AP4E1: variants seen among roughly 807,000 people sequenced by gnomAD.
The protein encoded by AP4E1 is adaptor related protein complex 4 subunit epsilon 1.
A neutral mutation model predicts 128.2 loss-of-function variants in AP4E1; 56 were observed. That is an observed-to-expected ratio of 0.44 (90% CI 0.35 to 0.55). The LOEUF (loss-of-function observed/expected upper bound fraction) is 0.55, where lower values mean the gene tolerates loss of function less well. Among genes scored for constraint, AP4E1 ranks in the 20% least tolerant of loss-of-function variants. AP4E1 has a pLI of 0.00. For synonymous variants in AP4E1, 484 were observed against 473.1 expected, an observed-to-expected ratio of 1.02 and a Z score of -0.30; for missense variants, 1,324 against 1,307.7, an observed-to-expected ratio of 1.01 and a Z score of -0.19.
At chr15:50,996,467 AATC>A (rs2064876468) in intron 17 of AP4E1, among the ~76,000 whole-genome samples, 1 of 152,130 alleles carries the variant, frequency 6.6e-6, no homozygotes, top group Non-Finnish European at 1.5e-5. Flanking sequence ...AAGAGACAAA[AATC>A]ATCTGTTCAG....
At chr15:50,993,682 A>AT (rs2064833345) in intron 17 of AP4E1, 57 bp downstream of exon 17, 4 of 1,608,364 alleles carry the variant, frequency 2.5e-6, no homozygotes, top group Admixed American at 3.3e-5. Flanking sequence ...TACAAAAAAA[A>AT]CTGGCTCTAT....
chr15:50,972,698 G>T (rs978512751), intron 15 of AP4E1, among the ~76,000 whole-genome samples: 1 of 152,190 alleles, frequency 6.6e-6, no homozygotes, highest in Non-Finnish European at 1.5e-5. Context: ...TGAGGTTGGG[G>T]CCATGGAGCT....
rs1470155355 is a variant in AP4E1, at chr15:51,002,832, A to G, written c.*170A>G. On this transcript the variant is annotated 3_prime_UTR_variant, in exon 21 of 21. Coordinates refer to ENST00000261842, the MANE Select transcript of AP4E1 (RefSeq NM_007347.5). ...GGTCAAGAAAGATCCCCAAAACTGT[A>G]TCCCTAACCTTTAACTCAGGATTGT... is the stretch of plus-strand genomic sequence containing the variant. The G allele has an allele frequency of 8.5e-6, 7 of 822,914 alleles. No individual in the cohort carries two copies. The highest frequency in any genetic ancestry group is 2.3e-5 in the Admixed American group (1 of 44,394). 51.0% of individuals were successfully genotyped at this position (822,914 alleles called of 1,614,324 possible).
chr15:50,908,473 G>T (rs1230313247), upstream of AP4E1: 3 of 294,696 alleles, frequency 1.0e-5, no homozygotes, highest in South Asian at 2.9e-4. Context: ...CCAGGCCCCC[G>T]ACGGCTTCCT....
intron 7 of AP4E1, among the ~76,000 whole-genome samples, chr15:50,932,825 C>T (rs1218907945): frequency 2.6e-5 from 4 of 152,130 alleles, no homozygotes; most frequent in African/African-American, 4.8e-5. Flanking sequence ...GCAGTGAAAA[C>T]GTAAGGTGAT....
chr15:50,922,968 G>A (rs967981415), intron 3 of AP4E1, among the ~76,000 whole-genome samples: 10 of 152,030 alleles, frequency 6.6e-5, no homozygotes, highest in African/African-American at 1.7e-4. Flanking sequence ...TAGTAGAGAC[G>A]GGGTTTCACC....
At chr15:50,941,335 C>T in intron 8 of AP4E1, 107 bp from the exon 9 acceptor site, 1 of 1,276,230 alleles carries the variant, frequency 7.8e-7, no homozygotes, top group South Asian at 1.3e-5. Flanking sequence ...AATAAGATTT[C>T]TGACTAAAAT....
intron 10 of AP4E1, chr15:50,945,767 C>T (rs2064053116): frequency 1.3e-6 from 1 of 763,302 alleles, no homozygotes; most frequent in African/African-American, 1.7e-5. Context: ...TGAGAAAAAG[C>T]AGCTAAGGAT....
At chr15:50,956,779 C>A (rs902824543) in intron 13 of AP4E1, among the ~76,000 whole-genome samples, 9 of 152,208 alleles carry the variant, frequency 5.9e-5, no homozygotes, top group Admixed American at 4.6e-4. Context: ...GAGCACAGAG[C>A]CAACCATATC....
In AP4E1 at chr15:50,941,426, A is replaced by C. The variant is rs1428290677; in HGVS notation, c.944-16A>C. 6.2e-7 allele frequency: 1 copy of C among 1,610,386 alleles called. No individual in the cohort carries two copies. The highest frequency in any genetic ancestry group is 8.5e-7 in the Non-Finnish European group (1 of 1,178,014). Reference sequence around the variant, plus strand: ...CCTTACCATGATACCTGCCATTTTTATGTTTCTTTTTCTAGCTATTTTGTT... The same window carrying C: ...CCTTACCATGATACCTGCCATTTTTCTGTTTCTTTTTCTAGCTATTTTGTT... On this transcript the variant is annotated splice_polypyrimidine_tract_variant and intron_variant, in intron 8 of 20. Coordinates refer to ENST00000261842, the MANE Select transcript of AP4E1 (RefSeq NM_007347.5).
chr15:50,997,609 T>G lies in AP4E1; in HGVS notation c.2630T>G (p.Leu877Trp), dbSNP rs1359725947. Residue 877 changes from leucine to tryptophan, a missense_variant, in exon 18 of 21, where the codon TTG (leucine) becomes TGG (tryptophan). Physicochemically the swap from Leu to Trp is moderately conservative, Grantham distance 61 (BLOSUM62 -2). Coordinates refer to ENST00000261842, the MANE Select transcript of AP4E1 (RefSeq NM_007347.5). ...FSYCSLSTPS[L>W]FANNNMEIFH... ...TATTGTAGTCTGTCTACACCTTCAT[T>G]GTTTGCTAATAACAACATGGAAATT... is the stretch of plus-strand genomic sequence containing the variant. 6.2e-7 allele frequency: 1 copy of G among 1,614,112 alleles called. No individual in the cohort carries two copies. Among genetic ancestry groups the G allele is most frequent in the Admixed American group, 1.7e-5 (1 of 60,024 alleles).
chr15:50,994,692 T>G (rs528755575), intron 17 of AP4E1, among the ~76,000 whole-genome samples: 1 of 152,322 alleles, frequency 6.6e-6, no homozygotes, highest in East Asian at 1.9e-4. Context: ...ACCAGTGGAA[T>G]GCTTGGTAAG....
intron 6 of AP4E1, among the ~76,000 whole-genome samples, chr15:50,930,170 C>T (rs895802383): frequency 1.2e-4 from 18 of 145,708 alleles, no homozygotes; most frequent in African/African-American, 4.6e-4. Context: ...CAGGTTCAAG[C>T]GATTCTCCTG....
intron 15 of AP4E1, among the ~76,000 whole-genome samples, chr15:50,971,667 G>T (rs1028826061): frequency 6.6e-6 from 1 of 150,800 alleles, no homozygotes; most frequent in African/African-American, 2.4e-5. Flanking sequence ...TTGTCTTCCT[G>T]TGTTATTTCA....
At chr15:50,975,700 A>G (rs753162985) in intron 15 of AP4E1, among the ~76,000 whole-genome samples, 7 of 152,146 alleles carry the variant, frequency 4.6e-5, no homozygotes, top group African/African-American at 1.7e-4. Context: ...GATTTGTAAT[A>G]TATTTTGAAA....
chr15:50,935,256 A>G (rs140473130), intron 8 of AP4E1, among the ~76,000 whole-genome samples: 4 of 152,244 alleles, frequency 2.6e-5, no homozygotes, highest in Admixed American at 2.6e-4. Flanking sequence ...GAGGGGAAGA[A>G]TAAAGAAGGT....
At chr15:50,993,684 T>C in intron 17 of AP4E1, 59 bp downstream of exon 17, 1 of 1,605,868 alleles carries the variant, frequency 6.2e-7, no homozygotes, top group Middle Eastern at 1.8e-4. Flanking sequence ...CAAAAAAAAC[T>C]GGCTCTATAA....
In AP4E1 at chr15:50,913,095, T is replaced by G. The variant is rs558092983; in HGVS notation, c.222+946T>G. Among the ~76,000 whole-genome samples the G allele has an allele frequency of 6.6e-5, 10 of 152,340 alleles. No homozygotes were observed. The South Asian group carries it at 2.1e-3, about 32-fold the overall frequency. On this transcript the variant is annotated intron_variant, in intron 2 of 20. Coordinates refer to ENST00000261842, the MANE Select transcript of AP4E1 (RefSeq NM_007347.5). ...CCTGCCAGTAAAAATATCAGGACGA[T>G]CATTTTGCATAAGCACATGATTGTG...
intron 15 of AP4E1, among the ~76,000 whole-genome samples, 183 bp downstream of exon 15, chr15:50,968,560 G>A (rs546766313): frequency 9.2e-4 from 140 of 152,194 alleles, no homozygotes; most frequent in Non-Finnish European, 1.7e-3. Flanking sequence ...TTAGCCAAGA[G>A]ATATTGCTAA....
Sources: allele counts gnomAD v4.1 joint callset (sites outside exome capture counted in the v4.1 genomes callset), GRCh38; gene constraint gnomAD v4.1.1; transcripts MANE v1.5; gene names NCBI Gene and HGNC (gene_info 2026-07-23, HGNC 2026-07-21).